The following ZFYVE16 variants were observed in gnomAD, a reference collection of about 807,000 sequenced individuals.
ZFYVE16 encodes zinc finger FYVE-type containing 16.
Under a neutral mutation model 138.1 loss-of-function variants are expected in ZFYVE16, and 89 were observed. The observed-to-expected ratio is 0.64, with a 90% CI of 0.54 to 0.77. The LOEUF (loss-of-function observed/expected upper bound fraction) is 0.77, where lower values mean the gene tolerates loss of function less well. Ranked by LOEUF, ZFYVE16 falls within the 30% of genes least tolerant of loss-of-function variation. The pLI is 0.00. For synonymous variants in ZFYVE16, 596 were observed against 618.3 expected, an observed-to-expected ratio of 0.96 and a Z score of 0.53; for missense variants, 1,793 against 1,786.7, an observed-to-expected ratio of 1.00 and a Z score of -0.06.
At position 80,451,466 on chromosome 5, in the gene ZFYVE16, C is replaced by G; in HGVS notation, c.3383-19C>G. On this transcript the variant is annotated intron_variant, in intron 10 of 18. Coordinates refer to ENST00000505560, the MANE Select transcript of ZFYVE16 (RefSeq NM_001284236.3). ...AACAAAACAACTTAAAATCTTTTTA[C>G]TAATGATTTTATTTGCAGGAAAATA... The G allele has an allele frequency of 6.4e-7, 1 of 1,554,644 alleles. No homozygotes were observed. The highest frequency in any genetic ancestry group is 8.7e-7 in the Non-Finnish European group (1 of 1,143,900).
At chr5:80,424,605 G>T (rs889183582) in intron 1 of ZFYVE16, among the ~76,000 whole-genome samples, 2 of 151,834 alleles carry the variant, frequency 1.3e-5, no homozygotes, top group African/African-American at 4.8e-5. Context: ...GGGATTGCAG[G>T]CATGCACCAC....
In ZFYVE16 at chr5:80,453,475, C is replaced by T. The variant is rs1280243732; in HGVS notation, c.3607+1766C>T. Among the ~76,000 whole-genome samples the T allele has an allele frequency of 2.6e-5, 4 of 152,184 alleles. No individual in the cohort carries two copies. In the East Asian group the frequency reaches 7.7e-4, roughly 29 times the overall value. ...AGTACTTCTAGATAGTAAGTTTTCT[C>T]ACACTGAAGGTTGGAGAATCATGGA... On this transcript the variant is annotated intron_variant, in intron 11 of 18. Transcript: ENST00000505560.
rs1755181498 is a variant in ZFYVE16, at chr5:80,479,481, T to C, written c.*2104T>C. The C allele has an allele frequency of 6.6e-6, 1 of 152,206 alleles. No homozygotes were observed. The highest frequency in any genetic ancestry group is 2.1e-4 in the South Asian group (1 of 4,836). The allele number at this position is 152,206 out of a possible 1,614,324, so 9.4% of individuals were successfully genotyped here. A position where few individuals can be genotyped will look rare whatever the true frequency, so the allele number is the denominator to read the frequency against. ...AATTAGGCGTAGTTCTTTATCAACA[T>C]TTATGGATTCCATGCCACAAGTAGT... On this transcript the variant is annotated 3_prime_UTR_variant, in exon 19 of 19. Coordinates refer to ENST00000505560, the MANE Select transcript of ZFYVE16 (RefSeq NM_001284236.3).
rs1315537857 is a variant in ZFYVE16 at position 80,455,698 on chromosome 5, C to G, written c.3614C>G (p.Pro1205Arg). The change falls in exon 12 of 19, where the codon CCT becomes CGT. Residue 1205 changes from proline to arginine, a missense_variant. This residue lies in a region of ZFYVE16 where 498 missense variants were observed against 582.4 expected (regional missense o/e 0.86). Coordinates refer to ENST00000505560, the MANE Select transcript of ZFYVE16 (RefSeq NM_001284236.3). ...TTTCCTTTCTTATGTATAGCATATC[C>G]TGCTCCTCTAACAAGCATCAGAGGC... Reference protein sequence around the residue: ...LRLGAEYKAYPAPLTSIRGRK... With the variant: ...LRLGAEYKAYRAPLTSIRGRK... 1.2e-6 allele frequency: 2 copies of G among 1,604,462 alleles called. No homozygotes were observed. Among genetic ancestry groups the G allele is most frequent in the Non-Finnish European group, 1.7e-6 (2 of 1,177,366 alleles).
intron 7 of ZFYVE16, among the ~76,000 whole-genome samples, chr5:80,447,266 CAAAAAAAAAAAAAA>C (rs56836828): frequency 1.3e-4 from 9 of 69,288 alleles, no homozygotes; most frequent in Admixed American, 1.1e-3. Flanking sequence ...GACTCCATCT[CAAAAAAAAAAAAAA>C]AAAAAAAAAA....
At position 80,451,641 on chromosome 5, in the gene ZFYVE16, A is replaced by C; in HGVS notation, c.3539A>C (p.Lys1180Thr). ...NPFLCGILIQ[K>T]LEIPWAKVFP... ...TTTCTTTGTGGAATTCTTATCCAGA[A>C]GCTTGAGATTCCCTGGGCAAAGGTT... is the stretch of plus-strand genomic sequence containing the variant. The change falls in exon 11 of 19, where the codon AAG (lysine) becomes ACG (threonine). Residue 1180 changes from lysine (K) to threonine (T), a missense_variant. Coordinates refer to ENST00000505560, the MANE Select transcript of ZFYVE16 (RefSeq NM_001284236.3). 1 of 1,613,926 alleles carries C rather than the reference A, an allele frequency of 6.2e-7. No individual in the cohort carries two copies. Among genetic ancestry groups the C allele is most frequent in the Non-Finnish European group, 8.5e-7 (1 of 1,179,918 alleles).
intron 2 of ZFYVE16, among the ~76,000 whole-genome samples, chr5:80,433,338 C>T (rs555688314): frequency 3.3e-5 from 5 of 152,146 alleles, no homozygotes; most frequent in South Asian, 2.1e-4. Flanking sequence ...ATCGCAAGGA[C>T]GAAAAACCAA....
chr5:80,408,366 C>T (rs969664329), intron 1 of ZFYVE16, among the ~76,000 whole-genome samples: 1 of 152,238 alleles, frequency 6.6e-6, no homozygotes, highest in East Asian at 1.9e-4. Flanking sequence ...CTCCTGGAGC[C>T]TGAAGGGCCA....
intron 13 of ZFYVE16, 52 bp downstream of exon 13, chr5:80,456,617 TTAGAATTGTGTCA>T (rs1414003928): frequency 6.7e-7 from 1 of 1,483,316 alleles, no homozygotes; most frequent in Non-Finnish European, 9.3e-7. Context: ...TAGAGTTCCC[TTAGAATTGTGTCA>T]CATTAAATTT....
chr5:80,427,174 T>C lies in ZFYVE16; in HGVS notation c.-93-318T>C, dbSNP rs188717804. Among the ~76,000 whole-genome samples the C allele has an allele frequency of 6.2e-3, 947 of 152,214 alleles. 10 individuals carry two copies. Among genetic ancestry groups the C allele is most frequent in the African/African-American group, 0.021 (875 of 41,526 alleles). On this transcript the variant is annotated intron_variant, in intron 1 of 18. Transcript: ENST00000505560. ...AGCTGGGATTACAGGTGTGAGCCAC[T>C]GCGCCCGGCCACACATAAATGTCTT...
At position 80,445,977 on chromosome 5, in the gene ZFYVE16, C is replaced by A. The variant is rs549729563; in HGVS notation, c.2724+572C>A. ...GTGGTGCGATTTCAGCTCACTGCAA[C>A]TTCTGCCTCCCGGATTCAAGTGATT... On this transcript the variant is annotated intron_variant, in intron 7 of 18. Transcript: ENST00000505560. Among the ~76,000 whole-genome samples the A allele has an allele frequency of 4.0e-5, 6 of 150,864 alleles. No homozygotes were observed. In the South Asian group the frequency reaches 6.3e-4, roughly 16 times the overall value.
Position 80,438,673 on chromosome 5 carries a change from A to C in ZFYVE16, c.1988A>C (p.Lys663Thr). 6.2e-7 allele frequency: 1 copy of C among 1,614,152 alleles called. No individual in the cohort carries two copies. The highest frequency in any genetic ancestry group is 1.1e-5 in the South Asian group (1 of 91,084). Residue 663 changes from lysine to threonine, a missense_variant, in exon 4 of 19, where the codon AAG becomes ACG. Transcript: ENST00000505560. The part of the protein sequence containing the change: ...FSLPSRTRSS[K>T]DLNKPDVPDT... ...CTTCCATCAAGAACAAGGAGTTCAAAGGACCTGAATAAGCCAGATGTTCCA... is the reference window on the plus strand; with the variant it reads ...CTTCCATCAAGAACAAGGAGTTCAACGGACCTGAATAAGCCAGATGTTCCA...
At chr5:80,470,237 G>T (rs571314777) in intron 15 of ZFYVE16, among the ~76,000 whole-genome samples, 7 of 151,248 alleles carry the variant, frequency 4.6e-5, no homozygotes, top group African/African-American at 1.7e-4. Flanking sequence ...GAGTAGCTGG[G>T]ACTACAGGCA....
Position 80,435,779 on chromosome 5 carries a change from T to A in ZFYVE16, c.71-977T>A, listed in dbSNP as rs113271409. The A allele has an allele frequency of 2.3e-3, 975 of 428,664 alleles. 8 individuals are homozygous for A. The highest frequency in any genetic ancestry group is 0.019 in the African/African-American group (912 of 48,552). The allele number at this position is 428,664 out of a possible 1,614,324, so 26.6% of individuals were successfully genotyped here. On this transcript the variant is annotated intron_variant, in intron 3 of 18. Transcript: ENST00000505560. ...TTTTACAGATGGGGTCTCACTGTGT[T>A]GCTCAGGCTGGTCTTGAACTCCTGA... is the stretch of plus-strand genomic sequence containing the variant.
intron 1 of ZFYVE16, chr5:80,410,014 T>C (rs766530896): frequency 6.6e-6 from 1 of 152,226 alleles, no homozygotes; most frequent in Non-Finnish European, 1.5e-5. Flanking sequence ...GATGCCTGTA[T>C]AATTTGCTTT....
chr5:80,474,920 A>G (rs1371779287), intron 18 of ZFYVE16, 90 bp downstream of exon 18: 23 of 1,404,014 alleles, frequency 1.6e-5, no homozygotes, highest in Non-Finnish European at 2.1e-5. Flanking sequence ...GATGAAAGGG[A>G]ACGAAAATTT....
At position 80,409,426 on chromosome 5, in the gene ZFYVE16, G is replaced by T. The variant is rs773872127; in HGVS notation, c.-94+1273G>T. Among the ~76,000 whole-genome samples, 45 of 152,194 alleles carry T rather than the reference G, an allele frequency of 3.0e-4. 1 individual carries two copies. Among genetic ancestry groups the T allele is most frequent in the Non-Finnish European group, 1.0e-4 (7 of 68,040 alleles). On this transcript the variant is annotated intron_variant, in intron 1 of 18. Transcript: ENST00000505560. ...GCTTAAAAATTATTGAGGACCAATA[G>T]AGTTTTTGGTTCCTAATGCTGCAGT...
chr5:80,450,814 ATTTTT>A (rs139742757), intron 10 of ZFYVE16, among the ~76,000 whole-genome samples: 123 of 90,468 alleles, frequency 1.4e-3, no homozygotes, highest in African/African-American at 4.2e-3. Context: ...CCTTATATCC[ATTTTT>A]TTTTTTTTTT....
chr5:80,463,001 A>G (rs1345681154), intron 15 of ZFYVE16, among the ~76,000 whole-genome samples: 1 of 152,220 alleles, frequency 6.6e-6, no homozygotes, highest in Non-Finnish European at 1.5e-5. Flanking sequence ...GTAGCTTTGC[A>G]GGGTACAGCC....
Sources: gnomAD v4.1 joint callset for allele counts (sites outside exome capture counted in the v4.1 genomes callset) on GRCh38, gnomAD v4.1.1 for gene constraint, gnomAD v4.1.1 regional missense constraint, MANE v1.5 for transcripts, NCBI Gene and HGNC (gene_info 2026-07-23, HGNC 2026-07-21) for gene names.